Variants in XKR6 observed in about 807,000 individuals in gnomAD.
XKR6 encodes the protein XK-related protein 6.
XKR6 carries 22 observed loss-of-function variants against 56.7 expected under a neutral mutation model. The observed-to-expected ratio is 0.39, with a 90% confidence interval of 0.28 to 0.55. The LOEUF (loss-of-function observed/expected upper bound fraction) is 0.55, where lower values mean the gene tolerates loss of function less well. Ranked by LOEUF, XKR6 falls within the 20% of genes least tolerant of loss-of-function variation. XKR6 has a pLI of 0.66. For synonymous variants in XKR6, 524 were observed against 387.8 expected, an observed-to-expected ratio of 1.35 and a Z score of -4.13; for missense variants, 852 against 889.0, an observed-to-expected ratio of 0.96 and a Z score of 0.53.
At chr8:11,161,687 G>A (rs1437914965) in intron 1 of XKR6, among the ~76,000 whole-genome samples, 1 of 152,164 alleles carries the variant, frequency 6.6e-6, no homozygotes, top group Non-Finnish European at 1.5e-5. Flanking sequence ...AGCATTTTAA[G>A]TCCTTAGTAA....
intron 1 of XKR6, among the ~76,000 whole-genome samples, chr8:10,934,752 C>G (rs1250313916): frequency 6.8e-6 from 1 of 146,142 alleles, no homozygotes; most frequent in Non-Finnish European, 1.5e-5. Context: ...ATGAAGCCCA[C>G]TTGATCATGG....
At chr8:11,076,818 G>C (rs1800286525) in intron 1 of XKR6, among the ~76,000 whole-genome samples, 1 of 152,174 alleles carries the variant, frequency 6.6e-6, no homozygotes, top group South Asian at 2.1e-4. Flanking sequence ...CTGCTACCTT[G>C]AATCCCAAGG....
chr8:11,147,453 C>G (rs1231477775), intron 1 of XKR6, among the ~76,000 whole-genome samples: 3 of 151,438 alleles, frequency 2.0e-5, no homozygotes, highest in African/African-American at 4.9e-5. Flanking sequence ...ATCAAGAGAT[C>G]GAGACAATCC....
At chr8:11,197,050 C>G (rs768488984) in intron 1 of XKR6, among the ~76,000 whole-genome samples, 1 of 152,238 alleles carries the variant, frequency 6.6e-6, no homozygotes, top group Non-Finnish European at 1.5e-5. Context: ...GTAGACCGCT[C>G]AACTGGATGG....
At chr8:11,173,348 A>ATAT (rs1554478582) in intron 1 of XKR6, among the ~76,000 whole-genome samples, 1 of 123,284 alleles carries the variant, frequency 8.1e-6, no homozygotes, top group African/African-American at 4.4e-5. Flanking sequence ...CGCCTTAAAA[A>ATAT]AAATATATAT....
intron 1 of XKR6, among the ~76,000 whole-genome samples, chr8:11,171,896 T>C (rs909151097): frequency 2.6e-5 from 4 of 151,320 alleles, no homozygotes; most frequent in African/African-American, 9.7e-5. Context: ...CTACCAAAAA[T>C]ACAAAACTTA....
intron 1 of XKR6, among the ~76,000 whole-genome samples, chr8:11,122,544 G>A (rs899743171): frequency 7.9e-5 from 12 of 152,234 alleles, no homozygotes; most frequent in Non-Finnish European, 1.5e-4. Context: ...TGCGTAAGCA[G>A]TGGCAGGTAT....
chr8:11,149,930 C>A (rs967397635), intron 1 of XKR6, among the ~76,000 whole-genome samples: 1 of 152,168 alleles, frequency 6.6e-6, no homozygotes, highest in Non-Finnish European at 1.5e-5. Context: ...CCGTTTGCAG[C>A]GTCATGGATG....
At chr8:11,044,779 G>C (rs756434575) in intron 1 of XKR6, among the ~76,000 whole-genome samples, 20 of 151,742 alleles carry the variant, frequency 1.3e-4, no homozygotes, top group Non-Finnish European at 2.4e-4. Flanking sequence ...CCACCACTCT[G>C]GGCTCATTTT....
At chr8:10,955,956 T>G (rs1586352457) in intron 1 of XKR6, among the ~76,000 whole-genome samples, 1 of 152,190 alleles carries the variant, frequency 6.6e-6, no homozygotes, top group East Asian at 1.9e-4. Context: ...GGGCCCTGAG[T>G]GGCTGCTCGG....
chr8:10,948,740 G>A (rs1222016694), intron 1 of XKR6, among the ~76,000 whole-genome samples: 4 of 152,186 alleles, frequency 2.6e-5, no homozygotes, highest in African/African-American at 4.8e-5. Context: ...CCACCCCGGC[G>A]TGTAGCTGTG....
At chr8:11,160,931 A>AAAAAAAAAAAAAAAAG (rs59104590) in intron 1 of XKR6, among the ~76,000 whole-genome samples, 1 of 149,336 alleles carries the variant, frequency 6.7e-6, no homozygotes, top group African/African-American at 2.5e-5. Context: ...AAAAAAAAAA[A>AAAAAAAAAAAAAAAAG]GAAAAAAAAA....
At chr8:11,037,059 G>T (rs1385148204) in intron 1 of XKR6, among the ~76,000 whole-genome samples, 1 of 152,184 alleles carries the variant, frequency 6.6e-6, no homozygotes, top group African/African-American at 2.4e-5. Context: ...TTATACTTAT[G>T]ACGAGGCGTG....
chr8:11,129,989 A>T (rs923713775), intron 1 of XKR6, among the ~76,000 whole-genome samples: 8 of 152,160 alleles, frequency 5.3e-5, no homozygotes, highest in Non-Finnish European at 7.3e-5. Context: ...TTGAATGGGA[A>T]ATCCCTATCA....
intron 1 of XKR6, among the ~76,000 whole-genome samples, chr8:11,117,947 G>C (rs141850848): frequency 1.9e-3 from 288 of 152,244 alleles, no homozygotes; most frequent in African/African-American, 6.6e-3. Context: ...CTAACAGAGT[G>C]ACAGGGAATA....
At chr8:11,048,781 C>T (rs1225684449) in intron 1 of XKR6, among the ~76,000 whole-genome samples, 5 of 152,158 alleles carry the variant, frequency 3.3e-5, no homozygotes, top group African/African-American at 9.7e-5. Flanking sequence ...TGATGCCTGG[C>T]GCTGCCCCTG....
At chr8:11,108,490 C>T in intron 1 of XKR6, 1 of 385,796 alleles carries the variant, frequency 2.6e-6, no homozygotes, top group Non-Finnish European at 5.1e-6. Context: ...CATTAGTACT[C>T]AACTTATGAA....
Position 10,898,207 on chromosome 8 carries a change from G to A in XKR6, c.1671C>T (p.Asp557=), listed in dbSNP as rs142258523. 34 of 1,614,032 alleles carry A rather than the reference G, an allele frequency of 2.1e-5. No homozygotes were observed. The African/African-American group carries it at 4.1e-4, about 20-fold the overall frequency. The change falls in exon 3 of 3, where the codon GAC becomes GAT. Residue 557 remains aspartate, a synonymous_variant. Transcript: ENST00000416569. This position sits in a 1 kb window ranked among gnomAD's most constrained non-coding sequence, Gnocchi z 6.6. ...TCACTTGGAAAACAGGCAAGCAAGT[G>A]TCAGCCGTGAGATCCTCCTGTTGTT... ...VTEQQEDLTA[D]TCLPVFQVRP...
At chr8:11,062,269 A>C (rs1271000579) in intron 1 of XKR6, among the ~76,000 whole-genome samples, 1 of 152,118 alleles carries the variant, frequency 6.6e-6, no homozygotes, top group African/African-American at 2.4e-5. Context: ...CCTGGGAGCC[A>C]AGGCCAGAGA....
Sources: allele counts gnomAD v4.1 joint callset (sites outside exome capture counted in the v4.1 genomes callset), GRCh38; gene constraint gnomAD v4.1.1; non-coding constraint Gnocchi (gnomAD v3.1); transcripts MANE v1.5; gene names NCBI Gene and HGNC (gene_info 2026-07-23, HGNC 2026-07-21).